Variants in YBX1 observed in about 807,000 individuals in gnomAD.
The protein encoded by YBX1 is Y-box binding protein 1.
In YBX1, 3 loss-of-function variants were observed where a neutral mutation model predicts 41.4. The observed-to-expected ratio is 0.07, with a 90% CI of 0.03 to 0.19. The LOEUF (loss-of-function observed/expected upper bound fraction) is 0.19, where lower values mean the gene tolerates loss of function less well. Among genes scored for constraint, YBX1 ranks in the 10% least tolerant of loss-of-function variants. The pLI is 1.00. For missense variants in YBX1, 274 were observed against 462.8 expected, an observed-to-expected ratio of 0.59 and a Z score of 3.74; for synonymous variants, 133 against 165.8, an observed-to-expected ratio of 0.80 and a Z score of 1.52.
intron 3 of YBX1, among the ~76,000 whole-genome samples, chr1:42,695,340 G>A (rs1178375395): frequency 1.3e-5 from 2 of 152,150 alleles, no homozygotes; most frequent in African/African-American, 4.8e-5. Flanking sequence ...CATGGGATTT[G>A]GAGACCCAAT....
At chr1:42,687,305 A>C (rs1346595404) in intron 2 of YBX1, among the ~76,000 whole-genome samples, 1 of 151,570 alleles carries the variant, frequency 6.6e-6, no homozygotes, top group Non-Finnish European at 1.5e-5. Context: ...TTTTCTTGAG[A>C]TGGAGTTTCA....
At chr1:42,697,782 T>G (rs1394617024) in intron 6 of YBX1, among the ~76,000 whole-genome samples, 2 of 152,154 alleles carry the variant, frequency 1.3e-5, no homozygotes, top group Non-Finnish European at 2.9e-5. Flanking sequence ...GACAACTATC[T>G]ACTTGAGTGG....
rs1183212083 is a variant in YBX1 at position 42,696,003 on chromosome 1, G to T, written c.265-196G>T. ...AATAGTGGTACAATGCTGGGGCCTT[G>T]TATGATTGGAGTGTTTTTGTTGAAG... On this transcript the variant is annotated intron_variant, in intron 3 of 7. Transcript: ENST00000321358. The surrounding 1 kb of genome is among the most constrained non-coding windows in gnomAD (Gnocchi z 5.7). 6.6e-6 allele frequency among the ~76,000 whole-genome samples: 1 copy of T among 152,226 alleles called. No individual in the cohort carries two copies. Among genetic ancestry groups the T allele is most frequent in the African/African-American group, 2.4e-5 (1 of 41,470 alleles).
At chr1:42,699,210 G>A (rs1480882493) in intron 6 of YBX1, among the ~76,000 whole-genome samples, 2 of 152,104 alleles carry the variant, frequency 1.3e-5, no homozygotes, top group South Asian at 2.1e-4. Flanking sequence ...GGAACCTGCC[G>A]TTTTCCTGTG....
intron 2 of YBX1, among the ~76,000 whole-genome samples, chr1:42,689,849 A>G (rs1418337982): frequency 1.3e-5 from 2 of 152,212 alleles, no homozygotes; most frequent in African/African-American, 2.4e-5. Context: ...TGGATAGGCC[A>G]TAGTATAGGA....
chr1:42,697,132 T>G (rs1166538789), intron 5 of YBX1, 48 bp from the exon 6 acceptor site: 1 of 1,579,800 alleles, frequency 6.3e-7, no homozygotes, highest in East Asian at 2.2e-5. Context: ...TTGGGTTTTT[T>G]TATTATATTA....
intron 7 of YBX1, 40 bp from the exon 8 acceptor site, chr1:42,701,941 C>T (rs1650612105): frequency 6.5e-6 from 1 of 152,994 alleles, no homozygotes; most frequent in African/African-American, 2.4e-5. Flanking sequence ...TGAAGATCAC[C>T]ATGAATTCTA....
chr1:42,683,609 G>C, intron 2 of YBX1, 143 bp downstream of exon 2: 1 of 862,988 alleles, frequency 1.2e-6, no homozygotes, highest in Non-Finnish European at 1.8e-6. Flanking sequence ...ATGATTTTTT[G>C]TTGTTGTTGT....
chr1:42,701,342 T>C (rs1251667054), intron 7 of YBX1, among the ~76,000 whole-genome samples: 1 of 152,188 alleles, frequency 6.6e-6, no homozygotes, highest in African/African-American at 2.4e-5. Flanking sequence ...AATTTTATGA[T>C]TTCACTAGTA....
At position 42,697,342 on chromosome 1, in the gene YBX1, A is replaced by G; in HGVS notation, c.740+80A>G. ...CTCAGCAATATCATGCCTCTCCTGC[A>G]GACTCATTTTTCTGTTAACACTTCA... On this transcript the variant is annotated intron_variant, in intron 6 of 7. Coordinates refer to ENST00000321358, the MANE Select transcript of YBX1 (RefSeq NM_004559.5). 2.9e-6 allele frequency: 4 copies of G among 1,392,254 alleles called. No individual in the cohort carries two copies. In the South Asian group the frequency reaches 5.2e-5, roughly 18 times the overall value. The allele number at this position is 1,392,254 out of a possible 1,614,324, so 86.2% of individuals were successfully genotyped here. A position where few individuals can be genotyped will look rare whatever the true frequency, so the allele number is the denominator to read the frequency against.
chr1:42,700,598 C>CG (rs1378838218), intron 6 of YBX1, among the ~76,000 whole-genome samples, 183 bp from the exon 7 acceptor site: 2 of 139,240 alleles, frequency 1.4e-5, no homozygotes, highest in Non-Finnish European at 3.1e-5. Flanking sequence ...GACTCTTCCC[C>CG]CTACTCAGCA....
chr1:42,691,612 A>G (rs1221512079), intron 2 of YBX1, among the ~76,000 whole-genome samples: 1 of 152,228 alleles, frequency 6.6e-6, no homozygotes, highest in East Asian at 1.9e-4. Flanking sequence ...CCACCACAAA[A>G]TGGATTGATA....
At chr1:42,693,723 AT>A (rs1348453062) in intron 3 of YBX1, among the ~76,000 whole-genome samples, 200 bp downstream of exon 3, 1 of 152,262 alleles carries the variant, frequency 6.6e-6, no homozygotes, top group Non-Finnish European at 1.5e-5. Context: ...GACATTTCAA[AT>A]TGGAATTTTG....
chr1:42,693,555 A>T lies in YBX1; in HGVS notation c.264+32A>T, dbSNP rs566081240. 2.7e-4 allele frequency: 434 copies of T among 1,610,044 alleles called. 5 individuals carry two copies. The South Asian group carries it at 4.7e-3, about 17-fold the overall frequency. On this transcript the variant is annotated intron_variant, in intron 3 of 7. Coordinates refer to ENST00000321358, the MANE Select transcript of YBX1 (RefSeq NM_004559.5). ...GCTTGTGTAGATATTTGCACTTCTG[A>T]TTCAAGGATTGTAAGAAGAAAAGGT...
chr1:42,685,914 A>G (rs1333274748), intron 2 of YBX1, among the ~76,000 whole-genome samples: 1 of 152,258 alleles, frequency 6.6e-6, no homozygotes, highest in Non-Finnish European at 1.5e-5. Flanking sequence ...GGTGCTAAGT[A>G]ACATGAGCAT....
Position 42,696,537 on chromosome 1 carries a change from C to G in YBX1, c.355-105C>G, listed in dbSNP as rs1258773121. ...CCCCCCCCCCCTTTTTTTTCCTTAACTTTGTTGTTTTTTGCTTTGTTTGAA... is the reference window on the plus strand; with the variant it reads ...CCCCCCCCCCCTTTTTTTTCCTTAAGTTTGTTGTTTTTTGCTTTGTTTGAA... On this transcript the variant is annotated intron_variant, in intron 4 of 7. Transcript: ENST00000321358. This position sits in a 1 kb window ranked among gnomAD's most constrained non-coding sequence, Gnocchi z 5.7. 2.3e-5 allele frequency: 6 copies of G among 260,588 alleles called. No individual in the cohort carries two copies. The highest frequency in any genetic ancestry group is 4.5e-5 in the Non-Finnish European group (6 of 132,136). The allele number at this position is 260,588 out of a possible 1,614,324, so 16.1% of individuals were successfully genotyped here.
rs200080563 is a variant in YBX1 at position 42,683,422 on chromosome 1, A to G, written c.186A>G (p.Thr62=). 2.7e-4 allele frequency: 432 copies of G among 1,614,092 alleles called. 1 individual carries two copies. Among genetic ancestry groups the G allele is most frequent in the Non-Finnish European group, 3.6e-4 (420 of 1,180,036 alleles). Residue 62 remains threonine (T), a synonymous_variant, in exon 2 of 8, where the codon ACA becomes ACG. Coordinates refer to ENST00000321358, the MANE Select transcript of YBX1 (RefSeq NM_004559.5). ...KKVIATKVLG[T]VKWFNVRNGY... is the part of the protein sequence containing the mutation. ...TTCCAGCAACGAAGGTTTTGGGAAC[A>G]GTAAAATGGTTCAATGTAAGGAACG...
rs765184058 is a variant in YBX1, at chr1:42,682,665, G to A, written c.100G>A (p.Ala34Thr). 2.2e-5 allele frequency: 29 copies of A among 1,305,614 alleles called. No homozygotes were observed. In the South Asian group the frequency reaches 5.6e-4, roughly 25 times the overall value. The allele number at this position is 1,305,614 out of a possible 1,614,324, so 80.9% of individuals were successfully genotyped here. The change falls in exon 1 of 8, where the codon GCA (alanine) becomes ACA (threonine). Residue 34 changes from alanine (A) to threonine (T), a missense_variant. Physicochemically the swap from Ala to Thr is moderately conservative, Grantham distance 58. Coordinates refer to ENST00000321358, the MANE Select transcript of YBX1 (RefSeq NM_004559.5). The part of the protein sequence containing the change: ...DTKPGTTGSG[A>T]GSGGPGGLTS... ...CAAGCCCGGCACTACGGGCAGCGGC[G>A]CAGGGAGCGGTGGCCCGGGCGGCCT...
intron 6 of YBX1, among the ~76,000 whole-genome samples, chr1:42,700,079 T>C (rs1409125325): frequency 6.6e-6 from 1 of 152,232 alleles, no homozygotes; most frequent in Admixed American, 6.5e-5. Context: ...CAGTCACCAC[T>C]GTAGGGTTGC....
Sources: allele counts gnomAD v4.1 joint callset (sites outside exome capture counted in the v4.1 genomes callset), GRCh38; gene constraint gnomAD v4.1.1; non-coding constraint Gnocchi (gnomAD v3.1); transcripts MANE v1.5; gene names NCBI Gene and HGNC (gene_info 2026-07-23, HGNC 2026-07-21).